The following ERBB4 variants were observed in gnomAD, a reference collection of about 807,000 sequenced individuals.
The protein encoded by ERBB4 is erb-b2 receptor tyrosine kinase 4.
Under a neutral mutation model 158.0 loss-of-function variants are expected in ERBB4, and 42 were observed. The observed-to-expected ratio is 0.27, with a 90% CI of 0.21 to 0.34. ERBB4 has a LOEUF of 0.34. Ranked by LOEUF, ERBB4 falls within the 10% of genes least tolerant of loss-of-function variation. ERBB4 has a pLI of 1.00. For synonymous variants in ERBB4, 583 were observed against 558.7 expected, an observed-to-expected ratio of 1.04 and a Z score of -0.61; for missense variants, 1,333 against 1,624.1, an observed-to-expected ratio of 0.82 and a Z score of 3.08.
At position 212,256,230 on chromosome 2, in the gene ERBB4, T is replaced by C. The variant is rs528689704; in HGVS notation, c.83-131327A>G. ...CATCTGATTCTCACAAGCACTTTAATAACATAGTAAATGAAAATATTGCTT... is the reference window on the plus strand; with the variant it reads ...CATCTGATTCTCACAAGCACTTTAACAACATAGTAAATGAAAATATTGCTT... On this transcript the variant is annotated intron_variant, in intron 1 of 27. Transcript: ENST00000342788. 8.5e-5 allele frequency among the ~76,000 whole-genome samples: 13 copies of C among 152,286 alleles called. No individual in the cohort carries two copies. In the South Asian group the frequency reaches 1.0e-3, roughly 12 times the overall value.
intron 3 of ERBB4, among the ~76,000 whole-genome samples, chr2:211,897,934 T>G (rs995263054): frequency 1.3e-5 from 2 of 151,978 alleles, no homozygotes; most frequent in Non-Finnish European, 2.9e-5. Flanking sequence ...TATTTAAATT[T>G]TTTTTTAATT....
intron 25 of ERBB4, among the ~76,000 whole-genome samples, chr2:211,392,558 CCACACACACACACACACA>C (rs5838261): frequency 5.7e-5 from 8 of 140,918 alleles, no homozygotes; most frequent in African/African-American, 1.6e-4. Flanking sequence ...CTCTCTTACT[CCACACACACACACACACA>C]CACACACACA....
chr2:211,406,751 G>C (rs1053118633), intron 25 of ERBB4, among the ~76,000 whole-genome samples: 3 of 152,008 alleles, frequency 2.0e-5, no homozygotes, highest in Non-Finnish European at 4.4e-5. Context: ...ACAAAAAATA[G>C]TAAATACTAA....
intron 1 of ERBB4, among the ~76,000 whole-genome samples, chr2:212,210,008 G>A (rs1191877118): frequency 6.6e-6 from 1 of 151,942 alleles, no homozygotes; most frequent in Non-Finnish European, 1.5e-5. Context: ...AAGTCAGCAT[G>A]GAAAAGATAA....
chr2:211,847,893 T>C (rs1386676568), intron 3 of ERBB4, among the ~76,000 whole-genome samples: 1 of 152,146 alleles, frequency 6.6e-6, no homozygotes, highest in Non-Finnish European at 1.5e-5. Context: ...GCCGTTTTTG[T>C]CTAACTTTGA....
chr2:211,977,356 T>C (rs1172354851), intron 2 of ERBB4, among the ~76,000 whole-genome samples: 1 of 152,046 alleles, frequency 6.6e-6, no homozygotes, highest in African/African-American at 2.4e-5. Flanking sequence ...TAGTCTTGTG[T>C]ATTACATATA....
intron 3 of ERBB4, among the ~76,000 whole-genome samples, chr2:211,935,007 T>C (rs1264064411): frequency 1.3e-5 from 2 of 148,762 alleles, no homozygotes; most frequent in African/African-American, 2.5e-5. Flanking sequence ...CATTCACACA[T>C]AGCAGAGGAT....
chr2:211,431,033 T>C lies in ERBB4; in HGVS notation c.2555A>G (p.Lys852Arg), dbSNP rs767584392. 6.2e-7 allele frequency: 1 copy of C among 1,613,984 alleles called. No homozygotes were observed. Among genetic ancestry groups the C allele is most frequent in the Non-Finnish European group, 8.5e-7 (1 of 1,179,832 alleles). The stretch of plus-strand genomic sequence containing the variant: ...TGTGATTTTCACATGGTTTGGAGAT[T>C]TCACTAAGACATTACGGGCTGCCAA... The part of the protein sequence containing the change: ...RDLAARNVLV[K>R]SPNHVKITDF... Residue 852 changes from lysine to arginine, a missense_variant, in exon 21 of 28, where the codon AAA (lysine) becomes AGA (arginine). By Grantham distance (26) the Lys-to-Arg change is conservative (BLOSUM62 2). Coordinates refer to ENST00000342788, the MANE Select transcript of ERBB4 (RefSeq NM_005235.3).
chr2:211,991,707 T>C (rs1466556527), intron 2 of ERBB4, among the ~76,000 whole-genome samples: 1 of 152,144 alleles, frequency 6.6e-6, no homozygotes, highest in African/African-American at 2.4e-5. Context: ...CATTTAGGCT[T>C]ATCCCATTGT....
chr2:211,623,512 A>G (rs1423466105), intron 18 of ERBB4, among the ~76,000 whole-genome samples: 1 of 152,298 alleles, frequency 6.6e-6, no homozygotes, highest in East Asian at 1.9e-4. Context: ...TGGATAAAAA[A>G]GCAGAAGAGA....
At chr2:211,698,379 G>T (rs1264742350) in intron 12 of ERBB4, among the ~76,000 whole-genome samples, 1 of 150,862 alleles carries the variant, frequency 6.6e-6, no homozygotes, top group Non-Finnish European at 1.5e-5. Flanking sequence ...AATGGGAGAT[G>T]CTTATACTAT....
intron 2 of ERBB4, among the ~76,000 whole-genome samples, chr2:211,978,139 T>C (rs546172279): frequency 2.8e-4 from 43 of 151,940 alleles, no homozygotes; most frequent in African/African-American, 1.0e-3. Flanking sequence ...GGCACCAGAA[T>C]ACATAAATTT....
chr2:211,824,310 T>C (rs955634841), intron 3 of ERBB4, among the ~76,000 whole-genome samples: 2 of 152,044 alleles, frequency 1.3e-5, no homozygotes, highest in Admixed American at 1.3e-4. Context: ...TAGGAATAGT[T>C]ACTATTTAGC....
intron 5 of ERBB4, among the ~76,000 whole-genome samples, chr2:211,742,460 T>A (rs143375729): frequency 4.6e-5 from 7 of 152,336 alleles, no homozygotes; most frequent in Non-Finnish European, 8.8e-5. Flanking sequence ...CAAAAATATA[T>A]AATCATTTTG....
At position 211,773,531 on chromosome 2, in the gene ERBB4, G is replaced by A. The variant is rs1285889409; in HGVS notation, c.556+14494C>T. On this transcript the variant is annotated intron_variant, in intron 4 of 27. Transcript: ENST00000342788. Reference sequence around the variant, plus strand: ...TTCTGTTCTACCACCTGGAGGTCAGGTTAAGTACTTCCAAGGAATAAATAC... The same window carrying A: ...TTCTGTTCTACCACCTGGAGGTCAGATTAAGTACTTCCAAGGAATAAATAC... 1.1e-4 allele frequency among the ~76,000 whole-genome samples: 15 copies of A among 140,092 alleles called. 1 individual carries two copies. The South Asian group carries it at 3.4e-3, about 32-fold the overall frequency. 91.9% of individuals were successfully genotyped at this position (140,092 alleles called of 152,430 possible).
intron 12 of ERBB4, among the ~76,000 whole-genome samples, chr2:211,693,240 A>T (rs2072887472): frequency 6.6e-6 from 1 of 152,302 alleles, no homozygotes; most frequent in Admixed American, 6.5e-5. Flanking sequence ...TCAAAAAAAT[A>T]AAATGAATCC....
chr2:211,516,462 T>C (rs1428954677), intron 20 of ERBB4, among the ~76,000 whole-genome samples: 1 of 151,584 alleles, frequency 6.6e-6, no homozygotes, highest in African/African-American at 2.4e-5. Flanking sequence ...GCCTCCAGAG[T>C]AGCTTGGATT....
intron 12 of ERBB4, among the ~76,000 whole-genome samples, chr2:211,690,439 A>G (rs1469550922): frequency 6.6e-6 from 1 of 152,080 alleles, no homozygotes; most frequent in African/African-American, 2.4e-5. Context: ...CCAAAATCTT[A>G]CCTCTCTTCG....
chr2:212,474,317 G>A (rs1311752183), intron 1 of ERBB4, among the ~76,000 whole-genome samples: 3 of 151,962 alleles, frequency 2.0e-5, no homozygotes, highest in East Asian at 1.9e-4. Flanking sequence ...AGGCATAAAC[G>A]AGTAATAAGG....
Sources: gnomAD v4.1 joint callset for allele counts (sites outside exome capture counted in the v4.1 genomes callset) on GRCh38, gnomAD v4.1.1 for gene constraint, MANE v1.5 for transcripts, NCBI Gene and HGNC (gene_info 2026-07-23, HGNC 2026-07-21) for gene names.